Variants in UNC13C observed in about 807,000 individuals in gnomAD.
UNC13C encodes the protein unc-13 homolog C, also known as protein unc-13 homolog C.
UNC13C carries 174 observed loss-of-function variants against 245.4 expected under a neutral mutation model. The ratio of observed to expected loss-of-function variants is 0.71; its 90% CI spans 0.63 to 0.80. The LOEUF (loss-of-function observed/expected upper bound fraction) is 0.80, where lower values mean the gene tolerates loss of function less well. Among genes scored for constraint, UNC13C ranks in the 30% least tolerant of loss-of-function variants. UNC13C has a pLI of 0.00. For missense variants in UNC13C, 2,829 were observed against 2,602.9 expected (o/e 1.09, Z -1.89); for synonymous variants, 992 against 895.1 (o/e 1.11, Z -1.93).
chr15:53,944,690 C>G, the UNC13C span, among the ~76,000 whole-genome samples: 2 of 152,238 alleles, frequency 1.3e-5, no homozygotes, highest in South Asian at 2.1e-4. Flanking sequence ...TTGGTTTATT[C>G]CATGTATTTG....
rs118119897 is a variant in UNC13C, at chr15:54,235,554, G to C, written c.3150+446G>C. On this transcript the variant is annotated intron_variant, in intron 5 of 32. Transcript: ENST00000260323. Reference sequence around the variant, plus strand: ...CAACTCTTCATTTTATTATATTAAAGTCAATTCTAGCTAAATTAATAAGCT... The same window carrying C: ...CAACTCTTCATTTTATTATATTAAACTCAATTCTAGCTAAATTAATAAGCT... Among the ~76,000 whole-genome samples, 524 of 152,264 alleles carry C rather than the reference G, an allele frequency of 3.4e-3. 5 individuals are homozygous for C. In the East Asian group the frequency reaches 0.039, roughly 11 times the overall value.
intron 10 of UNC13C, among the ~76,000 whole-genome samples, chr15:54,276,331 A>C (rs904949890): frequency 6.6e-6 from 1 of 151,934 alleles, no homozygotes; most frequent in Non-Finnish European, 1.5e-5. Flanking sequence ...TGAAGAAAAA[A>C]CTCTGACAAA....
At chr15:54,496,487 C>G (rs963615875) in intron 20 of UNC13C, among the ~76,000 whole-genome samples, 1 of 152,022 alleles carries the variant, frequency 6.6e-6, no homozygotes, top group Non-Finnish European at 1.5e-5. Flanking sequence ...CAAAAAAGAT[C>G]TTTGCACATG....
the UNC13C span, among the ~76,000 whole-genome samples, chr15:53,973,152 C>T: frequency 6.6e-6 from 1 of 151,990 alleles, no homozygotes. Flanking sequence ...AGTAGTGGAA[C>T]TCTGAATCAA....
intron 17 of UNC13C, among the ~76,000 whole-genome samples, chr15:54,363,917 C>G (rs533026089): frequency 6.6e-6 from 1 of 152,248 alleles, no homozygotes; most frequent in Admixed American, 6.5e-5. Context: ...GTAAGGGGAA[C>G]TAACAAGCAA....
chr15:54,443,056 T>C (rs1032614706), intron 19 of UNC13C, among the ~76,000 whole-genome samples: 1 of 152,142 alleles, frequency 6.6e-6, no homozygotes, highest in Non-Finnish European at 1.5e-5. Context: ...GGGCTTTTCT[T>C]TCTCCACAGA....
intron 2 of UNC13C, among the ~76,000 whole-genome samples, chr15:54,127,483 C>G (rs1468739684): frequency 2.0e-5 from 3 of 151,916 alleles, no homozygotes; most frequent in Non-Finnish European, 4.4e-5. Context: ...CATGTTCTCA[C>G]TCATAAATGG....
At chr15:54,530,515 T>G (rs1300486124) in intron 25 of UNC13C, among the ~76,000 whole-genome samples, 2 of 152,050 alleles carry the variant, frequency 1.3e-5, no homozygotes, top group Non-Finnish European at 2.9e-5. Context: ...AAACAGGCAA[T>G]AAGCAAATAA....
chr15:54,131,441 C>CA (rs1264257602), intron 2 of UNC13C, among the ~76,000 whole-genome samples: 1 of 152,164 alleles, frequency 6.6e-6, no homozygotes, highest in African/African-American at 2.4e-5. Flanking sequence ...CCATGGTCAA[C>CA]AGTGGTCCAA....
chr15:54,360,397 G>A (rs748122568), intron 17 of UNC13C, among the ~76,000 whole-genome samples: 14 of 151,990 alleles, frequency 9.2e-5, no homozygotes, highest in Non-Finnish European at 2.1e-4. Flanking sequence ...GCTGAAAATG[G>A]AGTACTGAAG....
At chr15:54,538,082 G>A (rs1462769248) in intron 26 of UNC13C, among the ~76,000 whole-genome samples, 6 of 117,520 alleles carry the variant, frequency 5.1e-5, no homozygotes, top group African/African-American at 2.0e-4. Flanking sequence ...CTATGTATCT[G>A]ACAATGGTCT....
intron 2 of UNC13C, among the ~76,000 whole-genome samples, chr15:54,115,477 C>G (rs2030175148): frequency 6.6e-6 from 1 of 151,994 alleles, no homozygotes; most frequent in South Asian, 2.1e-4. Flanking sequence ...TCACACTTCA[C>G]AGGTACCATT....
At chr15:54,542,138 T>C (rs1422487358) in intron 26 of UNC13C, among the ~76,000 whole-genome samples, 1 of 152,122 alleles carries the variant, frequency 6.6e-6, no homozygotes, top group Non-Finnish European at 1.5e-5. Context: ...TTAATAAGTC[T>C]TAAATATGAA....
intron 26 of UNC13C, among the ~76,000 whole-genome samples, chr15:54,534,236 G>T (rs957585440): frequency 6.6e-6 from 1 of 152,058 alleles, no homozygotes; most frequent in African/African-American, 2.4e-5. Context: ...TGTCCTTGAG[G>T]AGACAGAAAA....
chr15:54,449,712 G>A (rs1177195431), intron 19 of UNC13C, among the ~76,000 whole-genome samples: 1 of 152,074 alleles, frequency 6.6e-6, no homozygotes, highest in Non-Finnish European at 1.5e-5. Context: ...TCTTTGCAAT[G>A]GGTTCAAACT....
Position 54,210,526 on chromosome 15 carries a change from G to A in UNC13C, c.3072-24504G>A, listed in dbSNP as rs979152123. On this transcript the variant is annotated intron_variant, in intron 4 of 32. Coordinates refer to ENST00000260323, the MANE Select transcript of UNC13C (RefSeq NM_001080534.3). ...ATTGGATATAGTTTTATATATTTTG[G>A]TTATATGAAATTCAATTATTTATAA... Among the ~76,000 whole-genome samples the A allele has an allele frequency of 2.6e-5, 4 of 151,872 alleles. No homozygotes were observed. In the East Asian group the frequency reaches 5.8e-4, roughly 22 times the overall value.
At chr15:54,543,453 C>T (rs1038389410) in intron 26 of UNC13C, among the ~76,000 whole-genome samples, 1 of 151,740 alleles carries the variant, frequency 6.6e-6, no homozygotes, top group African/African-American at 2.4e-5. Flanking sequence ...CAGAGCAGAA[C>T]TGAAGGAGAT....
At chr15:54,017,911 C>T (rs747189330) in intron 2 of UNC13C, among the ~76,000 whole-genome samples, 7 of 152,150 alleles carry the variant, frequency 4.6e-5, no homozygotes, top group Non-Finnish European at 1.0e-4. Context: ...ATCCTGTGAG[C>T]CAACTTTGAA....
At chr15:54,123,806 A>G (rs1178980370) in intron 2 of UNC13C, among the ~76,000 whole-genome samples, 1 of 152,130 alleles carries the variant, frequency 6.6e-6, no homozygotes, top group East Asian at 1.9e-4. Context: ...TTCCTTCACC[A>G]CAAAGCTCTC....
Sources: gnomAD v4.1 joint callset for allele counts (sites outside exome capture counted in the v4.1 genomes callset) on GRCh38, gnomAD v4.1.1 for gene constraint, MANE v1.5 for transcripts, NCBI Gene and HGNC (gene_info 2026-07-23, HGNC 2026-07-21) for gene names.